The following TENM3 variants were observed in gnomAD, a reference collection of about 807,000 sequenced individuals.
TENM3 encodes the protein teneurin-3.
TENM3 carries 63 observed loss-of-function variants against 255.1 expected under a neutral mutation model. The observed-to-expected ratio is 0.25, with a 90% CI of 0.20 to 0.30. The LOEUF (loss-of-function observed/expected upper bound fraction) is 0.30, where lower values mean the gene tolerates loss of function less well. Among genes scored for constraint, TENM3 ranks in the 10% least tolerant of loss-of-function variants. The probability of loss-of-function intolerance (pLI) is 1.00; values close to 1 mark genes in which losing one functional copy is unlikely to be tolerated. For synonymous variants in TENM3, 1,306 were observed against 1,322.3 expected, an observed-to-expected ratio of 0.99 and a Z score of 0.27; for missense variants, 2,929 against 3,461.1, an observed-to-expected ratio of 0.85 and a Z score of 3.86.
Position 182,218,938 on chromosome 4 carries a change from T to C in TENM3, c.-76+74184T>C, listed in dbSNP as rs1755684168. On this transcript the variant is annotated intron_variant, in intron 1 of 2. Coordinates refer to the TENM3 transcript ENST00000512480. ...CCTGGAGTTTCTTTTTTAAAAACCA[T>C]AATAGGCCGGGTGCAGAGGTTCACG... Among the ~76,000 whole-genome samples the C allele has an allele frequency of 2.0e-5, 3 of 152,212 alleles. No individual in the cohort carries two copies. In the South Asian group the frequency reaches 6.2e-4, roughly 32 times the overall value.
At chr4:182,761,647 G>A (rs938010907) in intron 22 of TENM3, among the ~76,000 whole-genome samples, 3 of 152,068 alleles carry the variant, frequency 2.0e-5, no homozygotes, top group East Asian at 1.9e-4. Flanking sequence ...TCTTAAAATG[G>A]TGCTCAGCCA....
intron 1 of TENM3, among the ~76,000 whole-genome samples, chr4:182,168,200 TCA>T (rs946888180): frequency 1.1e-4 from 16 of 151,812 alleles, no homozygotes; most frequent in African/African-American, 3.9e-4. Context: ...AGTGGTGCAA[TCA>T]CGGGTCACAG....
intron 1 of TENM3, among the ~76,000 whole-genome samples, chr4:182,279,673 T>G (rs906591480): frequency 7.9e-5 from 12 of 152,356 alleles, no homozygotes; most frequent in African/African-American, 2.9e-4. Flanking sequence ...ATTATTATGA[T>G]TATCTTTTTT....
chr4:181,728,245 G>A, the TENM3 span, among the ~76,000 whole-genome samples: 1 of 152,138 alleles, frequency 6.6e-6, no homozygotes, highest in African/African-American at 2.4e-5. Flanking sequence ...TTACGGGAAA[G>A]GGGTCCCTAT....
chr4:181,624,362 G>C, the TENM3 span, among the ~76,000 whole-genome samples: 1 of 152,166 alleles, frequency 6.6e-6, no homozygotes, highest in Non-Finnish European at 1.5e-5. Flanking sequence ...TTCAATGGCC[G>C]AAGTAAATCC....
chr4:181,480,566 T>C, the TENM3 span, among the ~76,000 whole-genome samples: 4 of 152,034 alleles, frequency 2.6e-5, no homozygotes, highest in East Asian at 1.9e-4. Context: ...TTAGAAGGAA[T>C]ATTTTTTATT....
At chr4:181,923,161 G>A in the TENM3 span, among the ~76,000 whole-genome samples, 6 of 152,124 alleles carry the variant, frequency 3.9e-5, no homozygotes, top group Non-Finnish European at 8.8e-5. Flanking sequence ...CCAAGTATGT[G>A]GTCGATTTTG....
the TENM3 span, among the ~76,000 whole-genome samples, chr4:181,649,442 C>T: frequency 9.2e-5 from 14 of 152,156 alleles, no homozygotes; most frequent in South Asian, 4.1e-4. Flanking sequence ...ATTTCTGTAT[C>T]GGCCTAGACT....
the TENM3 span, among the ~76,000 whole-genome samples, chr4:182,027,827 A>G: frequency 6.6e-6 from 1 of 151,818 alleles, no homozygotes; most frequent in East Asian, 1.9e-4. Flanking sequence ...ACTTGTTCAG[A>G]ATGAATAATC....
At chr4:181,604,355 C>G in the TENM3 span, among the ~76,000 whole-genome samples, 58 of 152,152 alleles carry the variant, frequency 3.8e-4, no homozygotes, top group Admixed American at 9.2e-4. Flanking sequence ...CACTCAAAAG[C>G]AAAACAAAAC....
the TENM3 span, among the ~76,000 whole-genome samples, chr4:181,851,060 C>A: frequency 6.6e-6 from 1 of 152,082 alleles, no homozygotes; most frequent in Admixed American, 6.6e-5. Flanking sequence ...TCCAAGTGAT[C>A]GGAAACCCAC....
the TENM3 span, among the ~76,000 whole-genome samples, chr4:181,596,752 T>TA: frequency 6.6e-6 from 1 of 151,990 alleles, no homozygotes; most frequent in Non-Finnish European, 1.5e-5. Context: ...TATGCAGCCA[T>TA]AAAAAAGAAT....
intron 1 of TENM3, among the ~76,000 whole-genome samples, chr4:182,170,571 G>T (rs1427099028): frequency 6.6e-6 from 1 of 151,976 alleles, no homozygotes; most frequent in Non-Finnish European, 1.5e-5. Context: ...TAAATTGAAA[G>T]CCTACACTCT....
chr4:181,959,839 T>C, the TENM3 span, among the ~76,000 whole-genome samples: 1 of 152,170 alleles, frequency 6.6e-6, no homozygotes, highest in Non-Finnish European at 1.5e-5. Flanking sequence ...CTTAAATTGG[T>C]ATTTAAATTG....
chr4:182,745,738 C>G (rs1761961654), intron 19 of TENM3, among the ~76,000 whole-genome samples: 2 of 151,822 alleles, frequency 1.3e-5, no homozygotes, highest in Non-Finnish European at 2.9e-5. Context: ...TCTAGGGGCT[C>G]ATTCCCTGGG....
At chr4:182,689,189 G>A (rs1324948704) in intron 12 of TENM3, among the ~76,000 whole-genome samples, 1 of 152,142 alleles carries the variant, frequency 6.6e-6, no homozygotes, top group African/African-American at 2.4e-5. Context: ...AAGTGGCACG[G>A]TCCTACCAAA....
the TENM3 span, among the ~76,000 whole-genome samples, chr4:181,824,511 A>AT: frequency 6.6e-6 from 1 of 152,134 alleles, no homozygotes; most frequent in African/African-American, 2.4e-5. Context: ...TAGAATAACA[A>AT]TTTCACAATC....
chr4:181,874,449 G>C, the TENM3 span: 1 of 152,188 alleles, frequency 6.6e-6, no homozygotes, highest in South Asian at 2.1e-4. Flanking sequence ...TGTTGGAGCT[G>C]TTCTAAGTTC....
the TENM3 span, among the ~76,000 whole-genome samples, chr4:181,766,133 C>G: frequency 4.1e-4 from 63 of 152,262 alleles, no homozygotes; most frequent in South Asian, 0.012. Flanking sequence ...AGATGCGCCT[C>G]CATGCCTGGC....
Sources: gnomAD v4.1 joint callset for allele counts (sites outside exome capture counted in the v4.1 genomes callset) on GRCh38, gnomAD v4.1.1 for gene constraint, MANE v1.5 for transcripts, NCBI Gene and HGNC (gene_info 2026-07-23, HGNC 2026-07-21) for gene names.